Variants in SHISA9 observed in about 807,000 individuals in gnomAD.
The protein encoded by SHISA9 is protein shisa-9.
A neutral mutation model predicts 38.0 loss-of-function variants in SHISA9; 13 were observed. The ratio of observed to expected loss-of-function variants is 0.34; its 90% confidence interval spans 0.22 to 0.54. The LOEUF is 0.54. Ranked by LOEUF, SHISA9 falls within the 20% of genes least tolerant of loss-of-function variation. SHISA9 has a pLI of 0.91. For synonymous variants in SHISA9, 275 were observed against 242.0 expected (o/e 1.14, Z -1.27); for missense variants, 538 against 575.8 (o/e 0.93, Z 0.67).
chr16:13,160,284 A>T lies in SHISA9; in HGVS notation c.692-43110A>T, dbSNP rs118134072. On this transcript the variant is annotated intron_variant, in intron 2 of 4. Transcript: ENST00000558583. ...AGAGAGAGAGAGAGGAGGTGGATAC[A>T]GCTTAGTTAATAGTGCTTGATATCT... Among the ~76,000 whole-genome samples the T allele has an allele frequency of 9.8e-4, 149 of 152,314 alleles. 5 individuals carry two copies. The East Asian group carries it at 0.025, about 26-fold the overall frequency.
At chr16:13,165,467 C>T (rs143073738) in intron 2 of SHISA9, among the ~76,000 whole-genome samples, 31 of 152,158 alleles carry the variant, frequency 2.0e-4, no homozygotes, top group African/African-American at 7.2e-4. Context: ...GATCTTAGAC[C>T]TGGATTTATT....
chr16:13,330,266 T>TCATTTAA, the SHISA9 span, among the ~76,000 whole-genome samples: 11 of 152,230 alleles, frequency 7.2e-5, no homozygotes, highest in African/African-American at 2.7e-4. Flanking sequence ...AGGATTTTTT[T>TCATTTAA]CATTTAATTA....
intron 2 of SHISA9, among the ~76,000 whole-genome samples, chr16:13,192,736 G>C (rs992054307): frequency 6.6e-6 from 1 of 152,072 alleles, no homozygotes; most frequent in Non-Finnish European, 1.5e-5. Context: ...TTACCCGGGC[G>C]TGGTGGCACG....
intron 2 of SHISA9, among the ~76,000 whole-genome samples, chr16:13,102,078 G>A (rs893645385): frequency 3.9e-5 from 6 of 152,162 alleles, no homozygotes; most frequent in South Asian, 2.1e-4. Context: ...TACATTCCCC[G>A]ACTGTCCCCT....
chr16:13,539,154 CAGTCTCACTCTGGCACCCAGGCTGG>C, the SHISA9 span, among the ~76,000 whole-genome samples: 1 of 150,822 alleles, frequency 6.6e-6, no homozygotes, highest in Admixed American at 6.6e-5. Context: ...TTTGAGATAA[CAGTCTCACTCTGGCACCCAGGCTGG>C]AGTGCAGTGG....
chr16:12,970,392 T>TACATATATATACATATATATAC, intron 2 of SHISA9, among the ~76,000 whole-genome samples: 1 of 9,652 alleles, frequency 1.0e-4, no homozygotes, highest in East Asian at 2.8e-3. Flanking sequence ...CATATATGTA[T>TACATATATATACATATATATAC]ATATATATAT....
chr16:12,982,606 A>G (rs542171204), intron 2 of SHISA9, among the ~76,000 whole-genome samples: 2 of 152,298 alleles, frequency 1.3e-5, no homozygotes, highest in African/African-American at 4.8e-5. Context: ...AGGCCAACTC[A>G]TCATTCAGAC....
At chr16:13,165,258 C>T (rs1442655426) in intron 2 of SHISA9, among the ~76,000 whole-genome samples, 2 of 152,044 alleles carry the variant, frequency 1.3e-5, no homozygotes, top group African/African-American at 4.8e-5. Context: ...TTCAGTCATG[C>T]TCTTTTCATA....
intron 2 of SHISA9, among the ~76,000 whole-genome samples, chr16:13,173,152 C>CGCGT (rs779734246): frequency 2.2e-5 from 3 of 139,452 alleles, no homozygotes; most frequent in East Asian, 2.0e-4. Flanking sequence ...GATGCACGTG[C>CGCGT]GCACACACAC....
At chr16:13,301,373 C>T in the SHISA9 span, among the ~76,000 whole-genome samples, 43,434 of 152,072 alleles carry the variant, frequency 0.29, 7,054 homozygotes, top group Admixed American at 0.43. Context: ...GAATGAGGCA[C>T]GAGATTCTGC....
the SHISA9 span, among the ~76,000 whole-genome samples, chr16:13,499,833 C>G: frequency 6.6e-6 from 1 of 152,234 alleles, no homozygotes; most frequent in East Asian, 1.9e-4. Flanking sequence ...GACCTTTTGT[C>G]CTTGCGCAGG....
chr16:13,325,167 C>A, the SHISA9 span, among the ~76,000 whole-genome samples: 1 of 152,176 alleles, frequency 6.6e-6, no homozygotes, highest in Non-Finnish European at 1.5e-5. Flanking sequence ...CTACAGAATG[C>A]AAATTTTCCC....
intron 2 of SHISA9, among the ~76,000 whole-genome samples, chr16:13,175,885 G>A (rs2142025700): frequency 6.6e-6 from 1 of 152,276 alleles, no homozygotes; most frequent in Admixed American, 6.5e-5. Flanking sequence ...AAGCAAGAGA[G>A]AGAAACTAGT....
intron 2 of SHISA9, among the ~76,000 whole-genome samples, chr16:12,965,442 C>A (rs1228482795): frequency 1.3e-5 from 2 of 152,180 alleles, no homozygotes; most frequent in Admixed American, 1.3e-4. Flanking sequence ...TACCGATCTC[C>A]TTTCTGTCTC....
the SHISA9 span, among the ~76,000 whole-genome samples, chr16:13,421,503 A>T: frequency 1.3e-5 from 2 of 152,118 alleles, no homozygotes; most frequent in Non-Finnish European, 2.9e-5. Context: ...AGTATGGGGG[A>T]AACCACCCCC....
At chr16:12,905,955 G>C (rs1176038685) in intron 1 of SHISA9, among the ~76,000 whole-genome samples, 1 of 152,192 alleles carries the variant, frequency 6.6e-6, no homozygotes, top group Non-Finnish European at 1.5e-5. Context: ...TGTGGTGCTG[G>C]GGCTACCCCA....
chr16:13,424,469 T>C, the SHISA9 span, among the ~76,000 whole-genome samples: 1 of 152,172 alleles, frequency 6.6e-6, no homozygotes, highest in Non-Finnish European at 1.5e-5. Flanking sequence ...AGAAGGTCAA[T>C]GCCTGACTGC....
chr16:13,047,257 G>A (rs1337100651), intron 2 of SHISA9, among the ~76,000 whole-genome samples: 2 of 151,790 alleles, frequency 1.3e-5, no homozygotes, highest in Non-Finnish European at 2.9e-5. Context: ...GCCCATCATG[G>A]GAAGAAGGGA....
At chr16:13,402,282 G>A in the SHISA9 span, among the ~76,000 whole-genome samples, 1 of 152,086 alleles carries the variant, frequency 6.6e-6, no homozygotes, top group Non-Finnish European at 1.5e-5. Flanking sequence ...AGAACCAGGT[G>A]AGCCAATGGT....
Sources: allele counts gnomAD v4.1 joint callset (sites outside exome capture counted in the v4.1 genomes callset), GRCh38; gene constraint gnomAD v4.1.1; transcripts MANE v1.5; gene names NCBI Gene and HGNC (gene_info 2026-07-23, HGNC 2026-07-21).